Variants in CNNM2 observed in about 807,000 individuals in gnomAD.
The protein encoded by CNNM2 is metal transporter CNNM2.
In CNNM2, 12 loss-of-function variants were observed where a neutral mutation model predicts 66.9. The observed-to-expected ratio is 0.18, with a 90% confidence interval of 0.11 to 0.29. The LOEUF (loss-of-function observed/expected upper bound fraction) is 0.29. Among genes scored for constraint, CNNM2 ranks in the 10% least tolerant of loss-of-function variants. The pLI, the probability that CNNM2 is intolerant of heterozygous loss-of-function variation, is 1.00. For missense variants in CNNM2, 705 were observed against 1,167.7 expected (o/e 0.60, Z 5.77); for synonymous variants, 557 against 501.8 (o/e 1.11, Z -1.47).
At chr10:103,022,132 G>A (rs2064595544) in intron 1 of CNNM2, among the ~76,000 whole-genome samples, 1 of 152,192 alleles carries the variant, frequency 6.6e-6, no homozygotes, top group Non-Finnish European at 1.5e-5. Context: ...TGAAACTGCA[G>A]TTTCTACCGC....
intron 1 of CNNM2, among the ~76,000 whole-genome samples, chr10:103,011,879 G>A (rs1437058148): frequency 6.6e-6 from 1 of 151,886 alleles, no homozygotes; most frequent in African/African-American, 2.4e-5. Context: ...TTTTAGTAGA[G>A]ACGGGGTTTC....
At chr10:102,934,213 A>G (rs1846154458) in intron 1 of CNNM2, among the ~76,000 whole-genome samples, 1 of 151,846 alleles carries the variant, frequency 6.6e-6, no homozygotes. Flanking sequence ...GTCAGTCAAG[A>G]CAAAAAATAT....
intron 4 of CNNM2, among the ~76,000 whole-genome samples, chr10:103,059,161 A>T (rs2065342505): frequency 6.6e-6 from 1 of 152,080 alleles, no homozygotes; most frequent in African/African-American, 2.4e-5. Context: ...TTCAGTCGAG[A>T]TGGGGTTTCA....
chr10:103,027,485 C>T (rs1279241039), intron 1 of CNNM2: 1 of 152,222 alleles, frequency 6.6e-6, no homozygotes, highest in African/African-American at 2.4e-5. Context: ...GGACAATCTC[C>T]ATAACCCATT....
At chr10:102,968,135 T>A (rs1359423006) in intron 1 of CNNM2, among the ~76,000 whole-genome samples, 4 of 152,246 alleles carry the variant, frequency 2.6e-5, no homozygotes, top group Non-Finnish European at 5.9e-5. Flanking sequence ...ATTTTACTTT[T>A]CAAGAAGCTG....
chr10:102,948,771 C>T (rs1001732936), intron 1 of CNNM2, among the ~76,000 whole-genome samples: 1 of 151,988 alleles, frequency 6.6e-6, no homozygotes, highest in South Asian at 2.1e-4. Context: ...GAGGCCTTTG[C>T]AGAAGTCTGG....
chr10:102,947,181 C>T (rs147783027), intron 1 of CNNM2, among the ~76,000 whole-genome samples: 2 of 152,210 alleles, frequency 1.3e-5, no homozygotes, highest in East Asian at 3.9e-4. Flanking sequence ...TAATCATTTT[C>T]CTACTGCTTC....
intron 4 of CNNM2, among the ~76,000 whole-genome samples, chr10:103,066,972 C>T (rs756064178): frequency 6.6e-6 from 1 of 152,132 alleles, no homozygotes; most frequent in African/African-American, 2.4e-5. Flanking sequence ...GGTGAACTGT[C>T]ATTTCTGTTG....
intron 2 of CNNM2, among the ~76,000 whole-genome samples, chr10:103,050,765 G>A (rs1432203766): frequency 2.0e-5 from 3 of 152,116 alleles, no homozygotes; most frequent in African/African-American, 7.2e-5. Flanking sequence ...AGGTGAAAGT[G>A]GGGAGTGGCT....
intron 1 of CNNM2, among the ~76,000 whole-genome samples, chr10:103,010,171 CAT>C (rs891411572): frequency 7.2e-5 from 11 of 151,992 alleles, no homozygotes; most frequent in African/African-American, 2.7e-4. Flanking sequence ...AATATAGAAA[CAT>C]GTTCATATAC....
At chr10:102,986,158 T>A (rs1246939634) in intron 1 of CNNM2, among the ~76,000 whole-genome samples, 1 of 152,168 alleles carries the variant, frequency 6.6e-6, no homozygotes, top group Non-Finnish European at 1.5e-5. Flanking sequence ...TAGACTTGAG[T>A]GTGTAAAAGG....
chr10:102,992,951 G>A (rs1384736056), intron 1 of CNNM2, among the ~76,000 whole-genome samples: 1 of 152,188 alleles, frequency 6.6e-6, no homozygotes, highest in Non-Finnish European at 1.5e-5. Flanking sequence ...CCTTACTAAT[G>A]TGTAGGTCAG....
At chr10:102,972,673 G>A (rs11191486) in intron 1 of CNNM2, among the ~76,000 whole-genome samples, 1 of 152,160 alleles carries the variant, frequency 6.6e-6, no homozygotes, top group African/African-American at 2.4e-5. Context: ...TGAAACCCTA[G>A]TTAAAAAATC....
At chr10:103,032,919 A>G (rs1053083801) in intron 1 of CNNM2, among the ~76,000 whole-genome samples, 1 of 151,574 alleles carries the variant, frequency 6.6e-6, no homozygotes, top group African/African-American at 2.4e-5. Context: ...AGAGTTTGAG[A>G]CCAGCCTGGG....
chr10:103,053,410 G>T (rs573784449), intron 2 of CNNM2, among the ~76,000 whole-genome samples: 7 of 152,330 alleles, frequency 4.6e-5, no homozygotes, highest in African/African-American at 1.7e-4. Flanking sequence ...CCAGCTACTT[G>T]GGAGGCAGAG....
At chr10:102,970,734 C>A (rs2063534662) in intron 1 of CNNM2, among the ~76,000 whole-genome samples, 1 of 152,176 alleles carries the variant, frequency 6.6e-6, no homozygotes, top group East Asian at 1.9e-4. Flanking sequence ...CCAGTTCACC[C>A]CCCTTCTTCA....
At chr10:102,970,776 A>G (rs1206950992) in intron 1 of CNNM2, among the ~76,000 whole-genome samples, 1 of 152,090 alleles carries the variant, frequency 6.6e-6, no homozygotes. Context: ...TTGGTTCTCC[A>G]GTTTGTTGTT....
intron 6 of CNNM2, among the ~76,000 whole-genome samples, 199 bp downstream of exon 6, chr10:103,072,038 C>G (rs530191718): frequency 6.6e-6 from 1 of 152,316 alleles, no homozygotes; most frequent in South Asian, 2.1e-4. Context: ...GAGTCCAGAA[C>G]AGCGCAAAGT....
intron 1 of CNNM2, among the ~76,000 whole-genome samples, chr10:102,936,358 G>T (rs765519252): frequency 1.3e-5 from 2 of 152,128 alleles, no homozygotes; most frequent in Non-Finnish European, 2.9e-5. Flanking sequence ...CCTCCTTGAT[G>T]TAAGGTTTGG....
Sources: gnomAD v4.1 joint callset for allele counts (sites outside exome capture counted in the v4.1 genomes callset) on GRCh38, gnomAD v4.1.1 for gene constraint, MANE v1.5 for transcripts, NCBI Gene and HGNC (gene_info 2026-07-23, HGNC 2026-07-21) for gene names.